HPSE2: variants seen among roughly 807,000 people sequenced by gnomAD.
HPSE2 encodes heparanase 2 (inactive), also known as inactive heparanase-2.
In HPSE2, 38 loss-of-function variants were observed where a neutral mutation model predicts 60.5. That is an observed-to-expected ratio of 0.63 (90% confidence interval 0.48 to 0.82). The LOEUF is 0.82. Ranked by LOEUF, HPSE2 falls within the 40% of genes least tolerant of loss-of-function variation. The pLI, the probability that HPSE2 is intolerant of heterozygous loss-of-function variation, is 0.00. For missense variants in HPSE2, 713 were observed against 740.4 expected (o/e 0.96, Z 0.43); for synonymous variants, 295 against 293.2 (o/e 1.01, Z -0.06).
At chr10:99,098,275 T>C (rs1211307144) in intron 3 of HPSE2, among the ~76,000 whole-genome samples, 2 of 152,218 alleles carry the variant, frequency 1.3e-5, no homozygotes, top group African/African-American at 4.8e-5. Context: ...CACTGTATTA[T>C]GTATTAAAAG....
chr10:99,279,545 A>G, the HPSE2 span, among the ~76,000 whole-genome samples: 2 of 152,258 alleles, frequency 1.3e-5, no homozygotes, highest in South Asian at 4.1e-4. Context: ...ACTGTGGTTC[A>G]TCAGAATACC....
chr10:98,678,601 ACTT>A (rs1947706696), intron 6 of HPSE2, among the ~76,000 whole-genome samples: 1 of 151,812 alleles, frequency 6.6e-6, no homozygotes, highest in South Asian at 2.1e-4. Flanking sequence ...CACCTAATGA[ACTT>A]CTTAAAAATA....
intron 3 of HPSE2, among the ~76,000 whole-genome samples, chr10:99,111,906 A>C (rs376675822): frequency 1.3e-5 from 2 of 152,196 alleles, no homozygotes; most frequent in Non-Finnish European, 2.9e-5. Flanking sequence ...TTGTTTGTAC[A>C]TATTTCAAAT....
intron 2 of HPSE2, among the ~76,000 whole-genome samples, chr10:99,181,857 T>A (rs2133833039): frequency 6.6e-6 from 1 of 151,800 alleles, no homozygotes; most frequent in South Asian, 2.1e-4. Flanking sequence ...TGCACATGTA[T>A]CCCAGAACTT....
At chr10:99,173,900 G>A (rs1009890126) in intron 2 of HPSE2, among the ~76,000 whole-genome samples, 8 of 135,898 alleles carry the variant, frequency 5.9e-5, no homozygotes, top group Admixed American at 2.4e-4. Flanking sequence ...CCAAGATCAC[G>A]CCACTACACT....
intron 9 of HPSE2, among the ~76,000 whole-genome samples, chr10:98,510,954 C>T (rs1413220572): frequency 2.0e-5 from 3 of 152,108 alleles, no homozygotes; most frequent in Admixed American, 1.3e-4. Context: ...CACCAAGAAA[C>T]AAAAGTGGAG....
At chr10:99,049,467 T>A (rs945181546) in intron 3 of HPSE2, among the ~76,000 whole-genome samples, 1 of 152,036 alleles carries the variant, frequency 6.6e-6, no homozygotes, top group Non-Finnish European at 1.5e-5. Context: ...AAACCTAGTA[T>A]CACAGTCAAA....
chr10:99,246,191 G>A, the HPSE2 span, among the ~76,000 whole-genome samples: 6 of 152,150 alleles, frequency 3.9e-5, no homozygotes, highest in Non-Finnish European at 7.4e-5. Flanking sequence ...ACCAATGTTC[G>A]TAAACAGTCT....
intron 9 of HPSE2, among the ~76,000 whole-genome samples, chr10:98,588,688 A>C (rs1228951264): frequency 1.3e-5 from 2 of 152,098 alleles, no homozygotes; most frequent in Non-Finnish European, 2.9e-5. Flanking sequence ...AGACAAAGCC[A>C]AAAAGATCTA....
At chr10:98,679,122 A>T (rs1947719758) in intron 6 of HPSE2, among the ~76,000 whole-genome samples, 1 of 152,196 alleles carries the variant, frequency 6.6e-6, no homozygotes, top group African/African-American at 2.4e-5. Flanking sequence ...TTCTTGTGAC[A>T]GAACCCCACA....
intron 6 of HPSE2, among the ~76,000 whole-genome samples, chr10:98,692,641 C>T (rs1469246665): frequency 6.6e-6 from 1 of 151,958 alleles, no homozygotes; most frequent in Non-Finnish European, 1.5e-5. Context: ...TGGGGGCGGG[C>T]GCCTGTAGTC....
At chr10:98,618,543 T>A (rs1216911290) in intron 8 of HPSE2, among the ~76,000 whole-genome samples, 1 of 152,016 alleles carries the variant, frequency 6.6e-6, no homozygotes, top group African/African-American at 2.4e-5. Flanking sequence ...AGGTCTCATA[T>A]CAAGCCAGTG....
chr10:98,483,132 C>T (rs1156954934), intron 10 of HPSE2, among the ~76,000 whole-genome samples: 1 of 152,064 alleles, frequency 6.6e-6, no homozygotes, highest in Non-Finnish European at 1.5e-5. Flanking sequence ...AGAAAATTCC[C>T]CATAACCCTC....
intron 3 of HPSE2, among the ~76,000 whole-genome samples, chr10:98,898,762 G>A (rs745914136): frequency 6.6e-6 from 1 of 152,158 alleles, no homozygotes; most frequent in Non-Finnish European, 1.5e-5. Context: ...ATGGACTGCA[G>A]AATGTAACAA....
intron 3 of HPSE2, among the ~76,000 whole-genome samples, chr10:98,776,111 T>G (rs1490661263): frequency 6.6e-6 from 1 of 152,040 alleles, no homozygotes; most frequent in Non-Finnish European, 1.5e-5. Context: ...CCACAGAATC[T>G]GCACATTTCT....
intron 3 of HPSE2, among the ~76,000 whole-genome samples, chr10:98,928,780 T>C (rs1311485566): frequency 8.2e-6 from 1 of 122,082 alleles, no homozygotes; most frequent in Non-Finnish European, 1.6e-5. Context: ...TAGGTGGGAA[T>C]TGAACAATGA....
intron 3 of HPSE2, among the ~76,000 whole-genome samples, chr10:98,821,290 T>A (rs539851928): frequency 1.3e-5 from 2 of 152,314 alleles, no homozygotes; most frequent in South Asian, 4.1e-4. Flanking sequence ...AACCTAGGCT[T>A]CTACATACCT....
chr10:98,965,995 A>G (rs1955805148), intron 3 of HPSE2, among the ~76,000 whole-genome samples: 1 of 151,774 alleles, frequency 6.6e-6, no homozygotes, highest in African/African-American at 2.4e-5. Context: ...GGCTTAAGCG[A>G]TTCTCCTGCC....
intron 5 of HPSE2, among the ~76,000 whole-genome samples, chr10:98,706,819 T>C (rs1395927175): frequency 6.6e-6 from 1 of 152,178 alleles, no homozygotes; most frequent in East Asian, 1.9e-4. Context: ...CTACCCTGTG[T>C]TGCCTTTATA....
Sources: allele counts gnomAD v4.1 joint callset (sites outside exome capture counted in the v4.1 genomes callset), GRCh38; gene constraint gnomAD v4.1.1; transcripts MANE v1.5; gene names NCBI Gene and HGNC (gene_info 2026-07-23, HGNC 2026-07-21).